The following THTPA variants were observed in gnomAD, a reference collection of about 807,000 sequenced individuals.
THTPA encodes the protein thiamine triphosphatase, also known as thiamine-triphosphatase.
Under a neutral mutation model 16.5 loss-of-function variants are expected in THTPA, and 16 were observed. That is an observed-to-expected ratio of 0.97 (90% CI 0.66 to 1.47). THTPA has a LOEUF of 1.47. Among genes scored for constraint, THTPA ranks in the 40% most tolerant of loss-of-function variants. The pLI, the probability that THTPA is intolerant of heterozygous loss-of-function variation, is 0.00. For synonymous variants in THTPA, 110 were observed against 115.5 expected (o/e 0.95, Z 0.30); for missense variants, 281 against 280.9 (o/e 1.00, Z 0.00).
chr14:23,520,389 G>A, the THTPA span, among the ~76,000 whole-genome samples: 3 of 117,508 alleles, frequency 2.6e-5, no homozygotes, highest in Admixed American at 1.8e-4. This position sits in a 1 kb window ranked among gnomAD's most constrained non-coding sequence, Gnocchi z 8.7. Context: ...GCAAAGGTGG[G>A]CCTCCAGGGG....
At position 23,558,785 on chromosome 14, in the gene THTPA, A is replaced by G. The variant is rs748307957; in HGVS notation, c.638A>G (p.Asn213Ser). Residue 213 changes from asparagine to serine, a missense_variant, in exon 2 of 2, where the codon AAC becomes AGC. By Grantham distance (46) the Asn-to-Ser change is conservative. Coordinates refer to ENST00000288014, the MANE Select transcript of THTPA (RefSeq NM_024328.6). ...GACTATCAGCGCCTGCTAGAAGTGA[A>G]CAGCTCCAGAGAGAGGCCACAGGAG... Reference protein sequence around the residue: ...PQDYQRLLEVNSSRERPQETE... With the variant: ...PQDYQRLLEVSSSRERPQETE... 1.7e-5 allele frequency: 28 copies of G among 1,614,078 alleles called. No individual in the cohort carries two copies. The Admixed American group carries it at 4.7e-4, about 27-fold the overall frequency.
At chr14:23,551,513 GA>G (rs3835264), upstream of THTPA, 25,119 of 152,258 alleles carry the variant, frequency 0.16, 2,699 homozygotes, top group African/African-American at 0.29. The surrounding 1 kb of genome is among the most constrained non-coding windows in gnomAD (Gnocchi z 5.3). Flanking sequence ...GACGGAGACG[GA>G]AAAAAATAAA....
chr14:23,534,404 T>C, the THTPA span: 115 of 1,536,826 alleles, frequency 7.5e-5, no homozygotes, highest in African/African-American at 1.4e-3. This position sits in a 1 kb window ranked among gnomAD's most constrained non-coding sequence, Gnocchi z 4.5. Context: ...GTGCTGCTGT[T>C]GTCAAGGGGT....
chr14:23,521,957 T>C, the THTPA span: 1 of 1,536,106 alleles, frequency 6.5e-7, no homozygotes, highest in South Asian at 1.2e-5. Flanking sequence ...TCTTGGTTAA[T>C]CTGTTTATAA....
chr14:23,529,566 G>T, the THTPA span: 1 of 838,954 alleles, frequency 1.2e-6, no homozygotes, highest in Non-Finnish European at 1.9e-6. Context: ...ATGTGGAACT[G>T]GATCTGGGTG....
At chr14:23,522,229 C>T in the THTPA span, 1 of 1,478,640 alleles carries the variant, frequency 6.8e-7, no homozygotes, top group East Asian at 2.5e-5. Context: ...ATGGGGGTGG[C>T]ATGGAGCCCC....
the THTPA span, chr14:23,532,992 C>T: frequency 4.8e-3 from 7,370 of 1,536,112 alleles, 279 homozygotes; most frequent in African/African-American, 0.085. Context: ...GACAGGCTGT[C>T]GTCTGGGGGT....
At chr14:23,514,512 A>T in the THTPA span, 2 of 152,210 alleles carry the variant, frequency 1.3e-5, no homozygotes, top group Non-Finnish European at 2.9e-5. Context: ...TGCAGATCCC[A>T]TTTGGACTCT....
chr14:23,529,903 G>T, the THTPA span: 1 of 1,007,902 alleles, frequency 9.9e-7, no homozygotes, highest in South Asian at 1.5e-5. Context: ...GCTTGGCAAG[G>T]GCTGACTCCG....
the THTPA span, chr14:23,529,977 C>T: frequency 4.0e-6 from 4 of 1,008,154 alleles, no homozygotes; most frequent in Non-Finnish European, 4.4e-6. Context: ...TCTCGTGGCT[C>T]AGCCTCCCTT....
At chr14:23,548,055 GC>G in the THTPA span, among the ~76,000 whole-genome samples, 2 of 152,010 alleles carry the variant, frequency 1.3e-5, no homozygotes, top group African/African-American at 4.8e-5. Flanking sequence ...CACTCACACA[GC>G]CCCGATCCCT....
chr14:23,521,773 G>A, the THTPA span: 1 of 1,001,982 alleles, frequency 1.0e-6, no homozygotes, highest in Non-Finnish European at 1.4e-6. Context: ...TGTCTGTGGG[G>A]ATTGGGAGGA....
chr14:23,542,618 C>T, the THTPA span, among the ~76,000 whole-genome samples: 1 of 152,148 alleles, frequency 6.6e-6, no homozygotes, highest in African/African-American at 2.4e-5. Context: ...CGAACCAGCT[C>T]GGAACCCTTC....
chr14:23,553,404 A>G (rs1257992899), upstream of THTPA, among the ~76,000 whole-genome samples: 1 of 150,562 alleles, frequency 6.6e-6, no homozygotes, highest in Non-Finnish European at 1.5e-5. Flanking sequence ...GTTCGAGACC[A>G]GCCTGACCAA....
Position 23,559,205 on chromosome 14 carries a change from G to A in THTPA, c.*365G>A, listed in dbSNP as rs1695395297. On this transcript the variant is annotated 3_prime_UTR_variant, in exon 2 of 2. Transcript: ENST00000288014. ...TGATTCTGCCAGCGGCTCCTAAACC[G>A]CCTTACAGCTGAGTTAGAAGATGAG... is the stretch of plus-strand genomic sequence containing the variant. 1.6e-5 allele frequency: 4 copies of A among 245,390 alleles called. No individual in the cohort carries two copies. The highest frequency in any genetic ancestry group is 3.2e-5 in the Non-Finnish European group (4 of 124,946). The allele number at this position is 245,390 out of a possible 1,614,324, so 15.2% of individuals were successfully genotyped here. A position where few individuals can be genotyped will look rare whatever the true frequency, so the allele number is the denominator to read the frequency against.
chr14:23,528,933 C>T, the THTPA span: 33 of 689,730 alleles, frequency 4.8e-5, no homozygotes, highest in Non-Finnish European at 5.7e-5. Flanking sequence ...GATCCAGATG[C>T]TCATCTTAAC....
chr14:23,531,483 G>A, the THTPA span: 7 of 1,399,200 alleles, frequency 5.0e-6, no homozygotes, highest in Non-Finnish European at 6.5e-6. Context: ...TTCCTCACCG[G>A]GAGTCCGGAG....
chr14:23,523,460 C>G, the THTPA span: 80 of 1,535,898 alleles, frequency 5.2e-5, no homozygotes, highest in Admixed American at 1.4e-4. This position sits in a 1 kb window ranked among gnomAD's most constrained non-coding sequence, Gnocchi z 4.1. Flanking sequence ...ATGGCCTCGG[C>G]AGGAGACATA....
the THTPA span, among the ~76,000 whole-genome samples, chr14:23,545,285 C>T: frequency 6.6e-6 from 1 of 152,230 alleles, no homozygotes; most frequent in East Asian, 1.9e-4. Flanking sequence ...AGGACTGACA[C>T]GCAGGCCGAG....
Sources: allele counts gnomAD v4.1 joint callset (sites outside exome capture counted in the v4.1 genomes callset), GRCh38; gene constraint gnomAD v4.1.1; non-coding constraint Gnocchi (gnomAD v3.1); transcripts MANE v1.5; gene names NCBI Gene and HGNC (gene_info 2026-07-23, HGNC 2026-07-21).